Variants in CCDC171 observed in about 807,000 individuals in gnomAD.
CCDC171 encodes the protein coiled-coil domain-containing protein 171.
CCDC171 carries 177 observed loss-of-function variants against 168.2 expected under a neutral mutation model. That is an observed-to-expected ratio of 1.05 (90% CI 0.93 to 1.19). CCDC171 has a LOEUF of 1.19. Ranked by LOEUF, CCDC171 falls within the 50% of genes most tolerant of loss-of-function variation. CCDC171 has a pLI of 0.00. For missense variants in CCDC171, 1,991 were observed against 1,539.0 expected (o/e 1.29, Z -4.91); for synonymous variants, 687 against 540.8 (o/e 1.27, Z -3.75).
intron 21 of CCDC171, among the ~76,000 whole-genome samples, chr9:15,799,423 T>C (rs1431068122): frequency 2.0e-5 from 3 of 151,744 alleles, no homozygotes; most frequent in Middle Eastern, 3.2e-3. Context: ...TGTGTCTTTT[T>C]TTCCCCTCAG....
chr9:15,612,796 ATCT>A (rs1352850730), intron 6 of CCDC171, among the ~76,000 whole-genome samples: 2 of 151,860 alleles, frequency 1.3e-5, no homozygotes, highest in Non-Finnish European at 2.9e-5. Context: ...CTTTATTTTG[ATCT>A]TCTATTTATA....
chr9:15,624,439 A>C (rs941049367), intron 7 of CCDC171, among the ~76,000 whole-genome samples: 2 of 152,022 alleles, frequency 1.3e-5, no homozygotes, highest in African/African-American at 2.4e-5. Context: ...CATTAGGTAT[A>C]TCTCCTAATG....
intron 20 of CCDC171, among the ~76,000 whole-genome samples, chr9:15,783,779 G>GT (rs765672477): frequency 2.0e-4 from 30 of 152,140 alleles, no homozygotes; most frequent in Non-Finnish European, 1.5e-5. Context: ...TCATGATATT[G>GT]TAAAAACCAT....
intron 23 of CCDC171, among the ~76,000 whole-genome samples, chr9:15,867,818 G>T (rs2061855432): frequency 6.6e-6 from 1 of 152,012 alleles, no homozygotes; most frequent in African/African-American, 2.4e-5. Context: ...TATCTGTGTG[G>T]ATGAGTGTTA....
intron 6 of CCDC171, among the ~76,000 whole-genome samples, chr9:15,613,528 T>C (rs1317457515): frequency 7.0e-6 from 1 of 143,440 alleles, no homozygotes; most frequent in South Asian, 2.2e-4. Flanking sequence ...TTTTCTTTTC[T>C]TTTTTTTTTT....
chr9:15,674,191 G>A (rs145909149), intron 9 of CCDC171, among the ~76,000 whole-genome samples: 46 of 152,072 alleles, frequency 3.0e-4, no homozygotes, highest in Non-Finnish European at 5.6e-4. Flanking sequence ...TATTTCTGTG[G>A]GATCGGTGGT....
intron 2 of CCDC171, among the ~76,000 whole-genome samples, chr9:15,568,560 G>A (rs975644880): frequency 2.0e-5 from 3 of 152,098 alleles, no homozygotes; most frequent in South Asian, 2.1e-4. Flanking sequence ...GTGAGCCACC[G>A]CACCCAGCCT....
At chr9:15,665,610 A>G (rs569205342) in intron 8 of CCDC171, among the ~76,000 whole-genome samples, 7 of 152,158 alleles carry the variant, frequency 4.6e-5, no homozygotes, top group South Asian at 2.1e-4. Flanking sequence ...GCAAGGCCCT[A>G]TCTCTACAAA....
intron 25 of CCDC171, among the ~76,000 whole-genome samples, chr9:15,933,305 C>T (rs193175761): frequency 5.9e-5 from 9 of 151,796 alleles, no homozygotes; most frequent in African/African-American, 2.2e-4. Context: ...TCTATTTCTT[C>T]GTAATTTAAT....
chr9:15,761,062 A>G (rs2056418524), intron 18 of CCDC171, among the ~76,000 whole-genome samples: 1 of 152,202 alleles, frequency 6.6e-6, no homozygotes, highest in African/African-American at 2.4e-5. Flanking sequence ...AAAATTCTCA[A>G]GATAGAAACA....
At chr9:15,969,659 T>A (rs1291921379) in intron 25 of CCDC171, among the ~76,000 whole-genome samples, 1 of 152,156 alleles carries the variant, frequency 6.6e-6, no homozygotes, top group Non-Finnish European at 1.5e-5. Flanking sequence ...AATATTCTAC[T>A]ATAATAAAGA....
At chr9:15,794,476 C>T (rs1297243549) in intron 21 of CCDC171, among the ~76,000 whole-genome samples, 2 of 151,348 alleles carry the variant, frequency 1.3e-5, no homozygotes, top group African/African-American at 4.9e-5. Flanking sequence ...CCCCCACCCC[C>T]CCACCAAAAA....
At chr9:16,007,147 C>A (rs1832727101) in intron 3 of CCDC171, among the ~76,000 whole-genome samples, 2 of 152,154 alleles carry the variant, frequency 1.3e-5, no homozygotes, top group Admixed American at 6.5e-5. Context: ...GATGGTATAT[C>A]ATTGTGGTTT....
chr9:15,624,920 C>T (rs2044922511), intron 7 of CCDC171, among the ~76,000 whole-genome samples: 1 of 152,058 alleles, frequency 6.6e-6, no homozygotes, highest in African/African-American at 2.4e-5. Flanking sequence ...CTAGTTTACA[C>T]TCCCACCAAA....
At chr9:15,955,752 C>T (rs1174968245) in intron 25 of CCDC171, among the ~76,000 whole-genome samples, 4 of 152,110 alleles carry the variant, frequency 2.6e-5, no homozygotes, top group Non-Finnish European at 5.9e-5. Flanking sequence ...CCAGAATCCT[C>T]TCAAATCCTT....
At chr9:15,596,547 G>A (rs1403683177) in intron 6 of CCDC171, among the ~76,000 whole-genome samples, 6 of 151,314 alleles carry the variant, frequency 4.0e-5, no homozygotes, top group East Asian at 1.9e-4. Flanking sequence ...GGTTACTGTA[G>A]CCTTGTAGTA....
At chr9:15,908,476 A>C (rs995023161) in intron 24 of CCDC171, among the ~76,000 whole-genome samples, 3 of 122,622 alleles carry the variant, frequency 2.4e-5, no homozygotes, top group Non-Finnish European at 4.8e-5. Context: ...GGACACAGGA[A>C]GGGGAACATC....
chr9:15,752,200 C>T (rs531906476), intron 18 of CCDC171, among the ~76,000 whole-genome samples: 76 of 152,214 alleles, frequency 5.0e-4, no homozygotes, highest in African/African-American at 1.8e-3. Context: ...AAAACCACAA[C>T]GAGTTACCAT....
chr9:15,724,135 G>T lies in CCDC171; in HGVS notation c.1491+389G>T, dbSNP rs7038981. Among the ~76,000 whole-genome samples the T allele has an allele frequency of 2.8e-3, 422 of 152,260 alleles. 1 individual carries two copies. Among genetic ancestry groups the T allele is most frequent in the African/African-American group, 9.5e-3 (395 of 41,564 alleles). ...GGAGCCATTGTTTTCAGTACATCAT[G>T]TCTGTTAATGGGCTGAGACCACACC... On this transcript the variant is annotated intron_variant, in intron 13 of 25. Transcript: ENST00000380701.
Sources: allele counts gnomAD v4.1 joint callset (sites outside exome capture counted in the v4.1 genomes callset), GRCh38; gene constraint gnomAD v4.1.1; transcripts MANE v1.5; gene names NCBI Gene and HGNC (gene_info 2026-07-23, HGNC 2026-07-21).